RSRC1: variants seen among roughly 807,000 people sequenced by gnomAD.
RSRC1 encodes the protein arginine and serine rich coiled-coil 1.
A neutral mutation model predicts 49.1 loss-of-function variants in RSRC1; 39 were observed. The ratio of observed to expected loss-of-function variants is 0.79; its 90% CI spans 0.61 to 1.04. The LOEUF is 1.04. RSRC1 is among the 50% of genes least tolerant of loss of function. The probability of loss-of-function intolerance (pLI) is 0.00; values close to 1 mark genes in which losing one functional copy is unlikely to be tolerated. For missense variants in RSRC1, 388 were observed against 402.4 expected (o/e 0.96, Z 0.31); for synonymous variants, 143 against 130.8 (o/e 1.09, Z -0.63).
At chr3:158,202,294 C>T (rs990368214) in intron 3 of RSRC1, among the ~76,000 whole-genome samples, 12 of 152,062 alleles carry the variant, frequency 7.9e-5, no homozygotes, top group Middle Eastern at 3.4e-3. Context: ...GGATTACAGG[C>T]GTCAGCTGCT....
At chr3:158,509,791 G>T (rs544232134) in intron 7 of RSRC1, among the ~76,000 whole-genome samples, 1 of 152,002 alleles carries the variant, frequency 6.6e-6, no homozygotes, top group South Asian at 2.1e-4. Context: ...TTTCACTGTT[G>T]TATAATATTC....
rs533309460 is a variant in RSRC1, at chr3:158,406,012, A to T, written c.583+51104A>T. 9.9e-5 allele frequency among the ~76,000 whole-genome samples: 15 copies of T among 152,246 alleles called. No homozygotes were observed. The East Asian group carries it at 2.9e-3, about 29-fold the overall frequency. ...AGCTTATAAATATTTCATTTTATAA[A>T]TTTGTACGGTCTCCTTTTTGAAGAG... On this transcript the variant is annotated intron_variant, in intron 6 of 9. Coordinates refer to ENST00000611884, the MANE Select transcript of RSRC1 (RefSeq NM_001271838.2).
chr3:158,523,282 G>A (rs6441206), intron 7 of RSRC1, among the ~76,000 whole-genome samples: 78,479 of 151,756 alleles, frequency 0.52, 20,739 homozygotes, highest in African/African-American at 0.62. Flanking sequence ...AGTAGGAGCA[G>A]AGTTTCTACT....
intron 5 of RSRC1, among the ~76,000 whole-genome samples, chr3:158,317,519 T>A (rs1174746114): frequency 6.8e-6 from 1 of 146,948 alleles, no homozygotes; most frequent in Non-Finnish European, 1.5e-5. Context: ...CATGAGCCAC[T>A]GTGCCTGGCC....
intron 5 of RSRC1, chr3:158,303,043 G>T (rs1727651372): frequency 6.6e-6 from 1 of 152,116 alleles, no homozygotes; most frequent in African/African-American, 2.4e-5. Context: ...ACTACTGAAT[G>T]GGGATTAAAA....
At chr3:158,234,127 G>T (rs1723110961) in intron 4 of RSRC1, among the ~76,000 whole-genome samples, 1 of 152,120 alleles carries the variant, frequency 6.6e-6, no homozygotes, top group Non-Finnish European at 1.5e-5. Flanking sequence ...GAAAAATAAG[G>T]TTGTCATATT....
At chr3:158,124,948 T>C (rs534317579) in intron 3 of RSRC1, among the ~76,000 whole-genome samples, 1 of 151,842 alleles carries the variant, frequency 6.6e-6, no homozygotes, top group South Asian at 2.1e-4. Flanking sequence ...CCTAAGTGGC[T>C]AGAAATACAA....
At chr3:158,422,123 G>A (rs912288312) in intron 6 of RSRC1, among the ~76,000 whole-genome samples, 40 of 151,290 alleles carry the variant, frequency 2.6e-4, no homozygotes, top group African/African-American at 9.7e-4. Context: ...TGTGCACAAT[G>A]TGCAGGTTAG....
chr3:158,199,054 T>C (rs916413414), intron 3 of RSRC1, among the ~76,000 whole-genome samples: 24 of 152,156 alleles, frequency 1.6e-4, no homozygotes, highest in African/African-American at 5.3e-4. Flanking sequence ...TGGGAGATGA[T>C]TGAATCATCA....
chr3:158,457,714 G>T (rs984393187), intron 6 of RSRC1, among the ~76,000 whole-genome samples: 1 of 142,046 alleles, frequency 7.0e-6, no homozygotes, highest in South Asian at 2.5e-4. Context: ...TTTGTTTTTC[G>T]TTTTTTGTGT....
chr3:158,446,323 A>G (rs1018302645), intron 6 of RSRC1, among the ~76,000 whole-genome samples: 2 of 151,436 alleles, frequency 1.3e-5, no homozygotes, highest in Non-Finnish European at 2.9e-5. Context: ...AATTGAAATG[A>G]GAGAAATTTC....
chr3:158,335,944 TTGAGGCCTCTAGATTAAG>T (rs1356769824), intron 5 of RSRC1, among the ~76,000 whole-genome samples: 1 of 152,212 alleles, frequency 6.6e-6, no homozygotes, highest in Non-Finnish European at 1.5e-5. Flanking sequence ...AACTTTATTC[TTGAGGCCTCTAGATTAAG>T]TGCACAGTAG....
chr3:158,415,474 ATT>A (rs1369624339), intron 6 of RSRC1, among the ~76,000 whole-genome samples: 1 of 151,612 alleles, frequency 6.6e-6, no homozygotes, highest in African/African-American at 2.4e-5. Context: ...TGGCTCCATT[ATT>A]TACTACTGAG....
intron 3 of RSRC1, among the ~76,000 whole-genome samples, chr3:158,140,786 T>C (rs1216986945): frequency 6.6e-6 from 1 of 152,180 alleles, no homozygotes; most frequent in East Asian, 1.9e-4. Context: ...CTTTGTGATA[T>C]TGGGCAAGAA....
chr3:158,126,851 T>C (rs907119315), intron 3 of RSRC1, among the ~76,000 whole-genome samples: 2 of 152,174 alleles, frequency 1.3e-5, no homozygotes, highest in African/African-American at 2.4e-5. Context: ...TTGCTTGATA[T>C]AGTGTTCTTG....
At chr3:158,452,391 A>G (rs1267828197) in intron 6 of RSRC1, among the ~76,000 whole-genome samples, 1 of 152,194 alleles carries the variant, frequency 6.6e-6, no homozygotes, top group African/African-American at 2.4e-5. Flanking sequence ...AAACATGACA[A>G]TATTTAAACT....
intron 7 of RSRC1, among the ~76,000 whole-genome samples, chr3:158,474,594 G>A (rs555256701): frequency 6.6e-5 from 10 of 152,286 alleles, no homozygotes; most frequent in Admixed American, 2.6e-4. Flanking sequence ...CTGTTGGATA[G>A]CATTTTATTT....
intron 3 of RSRC1, among the ~76,000 whole-genome samples, chr3:158,192,737 T>G (rs573813125): frequency 6.6e-6 from 1 of 152,076 alleles, no homozygotes; most frequent in Non-Finnish European, 1.5e-5. Flanking sequence ...TCCAAAGGCT[T>G]CAGGACTTGG....
chr3:158,411,453 A>G (rs1486065986), intron 6 of RSRC1, among the ~76,000 whole-genome samples: 1 of 151,978 alleles, frequency 6.6e-6, no homozygotes, highest in African/African-American at 2.4e-5. Flanking sequence ...CTTCTCACCA[A>G]TACTTAATAT....
Sources: gnomAD v4.1 joint callset for allele counts (sites outside exome capture counted in the v4.1 genomes callset) on GRCh38, gnomAD v4.1.1 for gene constraint, MANE v1.5 for transcripts, NCBI Gene and HGNC (gene_info 2026-07-23, HGNC 2026-07-21) for gene names.